Variants in SETBP1 observed in about 807,000 individuals in gnomAD.
SETBP1 encodes the protein SET binding protein 1.
In SETBP1, 9 loss-of-function variants were observed where a neutral mutation model predicts 101.0. The ratio of observed to expected loss-of-function variants is 0.09; its 90% CI spans 0.05 to 0.16. The LOEUF (loss-of-function observed/expected upper bound fraction) is 0.16. Ranked by LOEUF, SETBP1 falls within the 10% of genes least tolerant of loss-of-function variation. The probability of loss-of-function intolerance (pLI) is 1.00; values close to 1 mark genes in which losing one functional copy is unlikely to be tolerated. For synonymous variants in SETBP1, 818 were observed against 788.5 expected, an observed-to-expected ratio of 1.04 and a Z score of -0.63; for missense variants, 1,858 against 2,033.8, an observed-to-expected ratio of 0.91 and a Z score of 1.66.
intron 2 of SETBP1, among the ~76,000 whole-genome samples, chr18:44,719,808 A>T (rs2069546090): frequency 6.6e-6 from 1 of 152,090 alleles, no homozygotes; most frequent in African/African-American, 2.4e-5. Context: ...CTTATTTAAC[A>T]CTGGGAGATA....
At chr18:44,974,305 G>A (rs529104516) in intron 4 of SETBP1, among the ~76,000 whole-genome samples, 20 of 152,256 alleles carry the variant, frequency 1.3e-4, no homozygotes, top group African/African-American at 4.8e-4. Context: ...GAGGGAAGCA[G>A]GAAGACCACC....
At chr18:44,896,156 G>A (rs537338515) in intron 3 of SETBP1, among the ~76,000 whole-genome samples, 104 of 152,196 alleles carry the variant, frequency 6.8e-4, no homozygotes, top group African/African-American at 2.4e-3. Context: ...TGAAAGGGGT[G>A]GTATTGGGAG....
At chr18:45,046,414 G>A (rs1368885279) in intron 5 of SETBP1, among the ~76,000 whole-genome samples, 1 of 152,150 alleles carries the variant, frequency 6.6e-6, no homozygotes, top group Non-Finnish European at 1.5e-5. Flanking sequence ...GAACAACTTG[G>A]CAGCCCTCCA....
chr18:45,050,382 G>A (rs920067304), intron 5 of SETBP1, among the ~76,000 whole-genome samples: 2 of 152,144 alleles, frequency 1.3e-5, no homozygotes, highest in Non-Finnish European at 2.9e-5. Flanking sequence ...GACACCTAAA[G>A]TTTAAGATCT....
intron 3 of SETBP1, among the ~76,000 whole-genome samples, chr18:44,924,722 A>G (rs1262213230): frequency 6.6e-6 from 1 of 152,188 alleles, no homozygotes; most frequent in African/African-American, 2.4e-5. Context: ...GGTTGTTTCC[A>G]TGCCAACTCA....
At chr18:44,923,894 C>CATGAGACACA (rs768986101) in intron 3 of SETBP1, among the ~76,000 whole-genome samples, 8 of 152,126 alleles carry the variant, frequency 5.3e-5, no homozygotes, top group Non-Finnish European at 1.0e-4. Context: ...CACAAGATAG[C>CATGAGACACA]AGATGCCCAT....
At chr18:44,728,405 T>C (rs1057103516) in intron 2 of SETBP1, among the ~76,000 whole-genome samples, 1 of 152,206 alleles carries the variant, frequency 6.6e-6, no homozygotes, top group African/African-American at 2.4e-5. Context: ...AAAAAGTCAC[T>C]GTTTTGTTTC....
At chr18:44,685,204 G>T (rs1197994645) in intron 1 of SETBP1, among the ~76,000 whole-genome samples, 1 of 152,200 alleles carries the variant, frequency 6.6e-6, no homozygotes, top group Non-Finnish European at 1.5e-5. Context: ...TGCTGAGGAG[G>T]AATAGGGGAT....
chr18:44,948,151 T>C (rs997980888), intron 3 of SETBP1, among the ~76,000 whole-genome samples: 12 of 152,242 alleles, frequency 7.9e-5, no homozygotes, highest in Non-Finnish European at 1.0e-4. Flanking sequence ...TTGATGGTGG[T>C]GTTTCTACTA....
At chr18:44,844,134 A>C (rs957147181) in intron 2 of SETBP1, among the ~76,000 whole-genome samples, 1 of 152,148 alleles carries the variant, frequency 6.6e-6, no homozygotes, top group African/African-American at 2.4e-5. Flanking sequence ...TTCTCCCTCA[A>C]ATAAATTGGT....
chr18:44,691,814 G>GA (rs555496448), intron 1 of SETBP1, among the ~76,000 whole-genome samples: 52 of 152,258 alleles, frequency 3.4e-4, no homozygotes, highest in African/African-American at 1.2e-3. Context: ...CAGTACCTGG[G>GA]AATGTCAGAG....
intron 4 of SETBP1, among the ~76,000 whole-genome samples, chr18:44,984,289 G>A (rs2072180739): frequency 6.6e-6 from 1 of 152,202 alleles, no homozygotes; most frequent in South Asian, 2.1e-4. Context: ...CAGACAGGCA[G>A]GGCAGGGGAG....
At chr18:44,745,420 T>C (rs1272051033) in intron 2 of SETBP1, among the ~76,000 whole-genome samples, 5 of 152,208 alleles carry the variant, frequency 3.3e-5, no homozygotes, top group African/African-American at 9.6e-5. Flanking sequence ...CCTTGATTCA[T>C]TGTGTGACCT....
chr18:44,802,986 G>A (rs899464456), intron 2 of SETBP1, among the ~76,000 whole-genome samples: 4 of 152,024 alleles, frequency 2.6e-5, no homozygotes, highest in African/African-American at 9.7e-5. Flanking sequence ...TTTGGGCCTG[G>A]GTGTCCTTGA....
intron 2 of SETBP1, among the ~76,000 whole-genome samples, chr18:44,859,051 G>A (rs1303198780): frequency 6.6e-6 from 1 of 151,138 alleles, no homozygotes; most frequent in Non-Finnish European, 1.5e-5. Flanking sequence ...AGGAAAGAAG[G>A]AAAGAAGGAA....
At chr18:45,000,949 C>G (rs894722733) in intron 4 of SETBP1, among the ~76,000 whole-genome samples, 3 of 152,056 alleles carry the variant, frequency 2.0e-5, no homozygotes, top group African/African-American at 7.2e-5. Context: ...AAAGTGGGAC[C>G]CCAACAAAAT....
intron 2 of SETBP1, among the ~76,000 whole-genome samples, chr18:44,771,963 TA>T (rs1178822347): frequency 6.6e-6 from 1 of 152,240 alleles, no homozygotes; most frequent in Non-Finnish European, 1.5e-5. Flanking sequence ...AGAGAGTTAA[TA>T]AAACCTCTTG....
At chr18:44,816,425 C>A (rs2144856902) in intron 2 of SETBP1, among the ~76,000 whole-genome samples, 1 of 152,174 alleles carries the variant, frequency 6.6e-6, no homozygotes, top group South Asian at 2.1e-4. Context: ...GGAAGGGGTG[C>A]AGGAGGAGAA....
intron 3 of SETBP1, among the ~76,000 whole-genome samples, chr18:44,899,882 A>G (rs1203829925): frequency 6.6e-6 from 1 of 152,174 alleles, no homozygotes; most frequent in Non-Finnish European, 1.5e-5. Context: ...GAAAGGAGAA[A>G]GACTAGAGCT....
Sources: allele counts gnomAD v4.1 joint callset (sites outside exome capture counted in the v4.1 genomes callset), GRCh38; gene constraint gnomAD v4.1.1; transcripts MANE v1.5; gene names NCBI Gene and HGNC (gene_info 2026-07-23, HGNC 2026-07-21).